The following LDLRAD4 variants were observed in gnomAD, a reference collection of about 807,000 sequenced individuals.
LDLRAD4 encodes low density lipoprotein receptor class A domain containing 4.
LDLRAD4 carries 5 observed loss-of-function variants against 17.0 expected under a neutral mutation model. The ratio of observed to expected loss-of-function variants is 0.29; its 90% CI spans 0.15 to 0.62. LDLRAD4 has a LOEUF of 0.62. Among genes scored for constraint, LDLRAD4 ranks in the 20% least tolerant of loss-of-function variants. LDLRAD4 has a pLI of 0.84. For missense variants in LDLRAD4, 340 were observed against 424.7 expected (o/e 0.80, Z 1.75); for synonymous variants, 168 against 171.8 (o/e 0.98, Z 0.17).
rs1051475710 is a variant in LDLRAD4 at position 13,643,546 on chromosome 18, T to C, written c.390+134T>C. 11 of 449,536 alleles carry C rather than the reference T, an allele frequency of 2.4e-5. No individual in the cohort carries two copies. In the East Asian group the frequency reaches 3.9e-4, roughly 16 times the overall value. The allele number at this position is 449,536 out of a possible 1,614,324, so 27.8% of individuals were successfully genotyped here. A position where few individuals can be genotyped will look rare whatever the true frequency, so the allele number is the denominator to read the frequency against. On this transcript the variant is annotated intron_variant, in intron 5 of 5. Transcript: ENST00000359446. ...GGCTGACACTTTTGGAGGAAGGCATTGCCTAGAACTTTGGTCAAAAGCGGG... is the reference window on the plus strand; with the variant it reads ...GGCTGACACTTTTGGAGGAAGGCATCGCCTAGAACTTTGGTCAAAAGCGGG...
chr18:13,458,686 T>C (rs2092275806), intron 3 of LDLRAD4, among the ~76,000 whole-genome samples: 1 of 152,116 alleles, frequency 6.6e-6, no homozygotes, highest in South Asian at 2.1e-4. Context: ...GGACCTTGAG[T>C]TGCAGAAATT....
At position 13,475,728 on chromosome 18, in the gene LDLRAD4, A is replaced by G. The variant is rs142989417; in HGVS notation, c.181+37344A>G. Among the ~76,000 whole-genome samples the G allele has an allele frequency of 3.0e-3, 459 of 152,318 alleles. 2 individuals carry two copies. The highest frequency in any genetic ancestry group is 5.6e-3 in the Non-Finnish European group (382 of 68,030). On this transcript the variant is annotated intron_variant, in intron 3 of 5. Coordinates refer to ENST00000359446, the Ensembl canonical transcript of LDLRAD4. Reference sequence around the variant, plus strand: ...ATTCACAGCCTCATCAGGAGTACATATGAAACAGCTAGCTCACAATAAGCA... The same window carrying G: ...ATTCACAGCCTCATCAGGAGTACATGTGAAACAGCTAGCTCACAATAAGCA...
chr18:13,444,244 C>T (rs1359076625), intron 3 of LDLRAD4, among the ~76,000 whole-genome samples: 4 of 152,138 alleles, frequency 2.6e-5, no homozygotes, highest in African/African-American at 9.7e-5. Context: ...TAGGAACCCC[C>T]TCTGCTACAC....
chr18:13,596,266 T>C (rs2095094599), intron 3 of LDLRAD4, among the ~76,000 whole-genome samples: 1 of 152,206 alleles, frequency 6.6e-6, no homozygotes, highest in Non-Finnish European at 1.5e-5. Context: ...TCTTTGATTC[T>C]AAATTATTTT....
intron 2 of LDLRAD4, among the ~76,000 whole-genome samples, chr18:13,402,092 T>C (rs2145533702): frequency 6.6e-6 from 1 of 152,306 alleles, no homozygotes; most frequent in East Asian, 1.9e-4. Flanking sequence ...TGATGCACTT[T>C]TCATGATATT....
chr18:13,571,667 C>G (rs76136438), intron 3 of LDLRAD4, among the ~76,000 whole-genome samples: 1 of 152,024 alleles, frequency 6.6e-6, no homozygotes, highest in East Asian at 1.9e-4. Context: ...GATGGATTCT[C>G]GCTCTGTTGC....
intron 3 of LDLRAD4, among the ~76,000 whole-genome samples, chr18:13,512,360 A>G (rs2093795455): frequency 1.3e-5 from 2 of 152,204 alleles, no homozygotes; most frequent in Non-Finnish European, 2.9e-5. Context: ...CTTTGGGGAC[A>G]ACTTTGTAAG....
At chr18:13,631,943 C>A (rs1031045029) in intron 4 of LDLRAD4, among the ~76,000 whole-genome samples, 1 of 152,014 alleles carries the variant, frequency 6.6e-6, no homozygotes, top group Non-Finnish European at 1.5e-5. Flanking sequence ...AATAATAATA[C>A]TAAATAAAAA....
At chr18:13,626,331 G>A (rs2041166061) in intron 4 of LDLRAD4, among the ~76,000 whole-genome samples, 1 of 152,148 alleles carries the variant, frequency 6.6e-6, no homozygotes, top group Non-Finnish European at 1.5e-5. Flanking sequence ...ACAGCCCGGA[G>A]AGCTATTTGA....
intron 4 of LDLRAD4, among the ~76,000 whole-genome samples, chr18:13,639,342 G>T (rs929862157): frequency 6.6e-6 from 1 of 152,220 alleles, no homozygotes; most frequent in African/African-American, 2.4e-5. Context: ...TTTGTACTCA[G>T]CTATCTGCAC....
chr18:13,476,276 G>C (rs1348283892), intron 3 of LDLRAD4, among the ~76,000 whole-genome samples: 1 of 152,144 alleles, frequency 6.6e-6, no homozygotes, highest in Non-Finnish European at 1.5e-5. Context: ...GAAGTCCTCA[G>C]TGTTTAAAAA....
chr18:13,430,980 G>T (rs765408612), intron 2 of LDLRAD4, among the ~76,000 whole-genome samples: 3 of 152,012 alleles, frequency 2.0e-5, no homozygotes, highest in African/African-American at 7.3e-5. Context: ...AAGGACTCAT[G>T]TGTCAGGATT....
In LDLRAD4 at chr18:13,612,656, G is replaced by T. The variant is rs781215075; in HGVS notation, c.182-8461G>T. 8.1e-6 allele frequency: 13 copies of T among 1,613,158 alleles called. No homozygotes were observed. In the East Asian group the frequency reaches 2.7e-4, roughly 33 times the overall value. On this transcript the variant is annotated intron_variant, in intron 3 of 5. Coordinates refer to ENST00000359446, the Ensembl canonical transcript of LDLRAD4. ...CGGAAGCTGAAGGGATGCTTTGAACGTGGGGGGGCTGCGTCACAGTTGGAC... is the reference window on the plus strand; with the variant it reads ...CGGAAGCTGAAGGGATGCTTTGAACTTGGGGGGGCTGCGTCACAGTTGGAC...
chr18:13,316,368 C>A (rs1599353547), intron 1 of LDLRAD4, among the ~76,000 whole-genome samples: 2 of 152,060 alleles, frequency 1.3e-5, no homozygotes, highest in Non-Finnish European at 2.9e-5. Flanking sequence ...GAATTCTATT[C>A]AAAAATGAAG....
intron 1 of LDLRAD4, among the ~76,000 whole-genome samples, chr18:13,317,794 A>C (rs2081008741): frequency 6.6e-6 from 1 of 152,172 alleles, no homozygotes; most frequent in Non-Finnish European, 1.5e-5. Context: ...GAGTGGTGGG[A>C]TTATGGGTGA....
intron 3 of LDLRAD4, among the ~76,000 whole-genome samples, chr18:13,502,172 GTT>G (rs547067520): frequency 2.0e-3 from 311 of 152,324 alleles, no homozygotes; most frequent in Non-Finnish European, 2.9e-3. Context: ...GCTCTCCTGT[GTT>G]TTCTTTAGCT....
intron 3 of LDLRAD4, among the ~76,000 whole-genome samples, chr18:13,539,584 C>A (rs1026682103): frequency 1.3e-5 from 2 of 152,002 alleles, no homozygotes; most frequent in Non-Finnish European, 2.9e-5. Flanking sequence ...ACTCCATGCA[C>A]CTATTTAGTA....
chr18:13,264,775 C>T lies in LDLRAD4; in HGVS notation c.-466-13330C>T, dbSNP rs184452251. On this transcript the variant is annotated intron_variant, in intron 1 of 5. Transcript: ENST00000399848. ...TGATGAAGCTTTCTGAGATGCATTGCTGAAAAGAGTAGTTGAAGAATGTGT... is the reference window on the plus strand; with the variant it reads ...TGATGAAGCTTTCTGAGATGCATTGTTGAAAAGAGTAGTTGAAGAATGTGT... Among the ~76,000 whole-genome samples the T allele has an allele frequency of 2.0e-5, 3 of 152,318 alleles. No individual in the cohort carries two copies. In the East Asian group the frequency reaches 5.8e-4, roughly 29 times the overall value.
At chr18:13,319,242 C>T (rs565182322) in intron 1 of LDLRAD4, among the ~76,000 whole-genome samples, 2 of 152,336 alleles carry the variant, frequency 1.3e-5, no homozygotes, top group African/African-American at 4.8e-5. Flanking sequence ...TCGTAATGAA[C>T]AACACCCCTC....
Sources: allele counts gnomAD v4.1 joint callset (sites outside exome capture counted in the v4.1 genomes callset), GRCh38; gene constraint gnomAD v4.1.1; transcripts MANE v1.5; gene names NCBI Gene and HGNC (gene_info 2026-07-23, HGNC 2026-07-21).